The following NDUFA5 variants were observed in gnomAD, a reference collection of about 807,000 sequenced individuals.
The protein encoded by NDUFA5 is NADH:ubiquinone oxidoreductase subunit A5.
In NDUFA5, 11 loss-of-function variants were observed where a neutral mutation model predicts 19.8. That is an observed-to-expected ratio of 0.56 (90% CI 0.35 to 0.92). The LOEUF is 0.92. Among genes scored for constraint, NDUFA5 ranks in the 40% least tolerant of loss-of-function variants. The probability of loss-of-function intolerance (pLI) is 0.01; values close to 1 mark genes in which losing one functional copy is unlikely to be tolerated. For missense variants in NDUFA5, 109 were observed against 134.2 expected (o/e 0.81, Z 0.93); for synonymous variants, 47 against 46.8 (o/e 1.00, Z -0.01).
chr7:123,576,719 TA>T, the NDUFA5 span, among the ~76,000 whole-genome samples: 1 of 152,146 alleles, frequency 6.6e-6, no homozygotes, highest in Non-Finnish European at 1.5e-5. Flanking sequence ...AAACAGCTTT[TA>T]CTACACACTT....
At chr7:123,594,535 G>A in the NDUFA5 span, among the ~76,000 whole-genome samples, 2 of 152,088 alleles carry the variant, frequency 1.3e-5, no homozygotes, top group African/African-American at 4.8e-5. Context: ...TAACAGACAG[G>A]CCCCTCAGCT....
At chr7:123,565,537 T>C in the NDUFA5 span, among the ~76,000 whole-genome samples, 1 of 152,306 alleles carries the variant, frequency 6.6e-6, no homozygotes, top group East Asian at 1.9e-4. Context: ...TAATACAAAT[T>C]GTTTCCCCCA....
the NDUFA5 span, among the ~76,000 whole-genome samples, chr7:123,580,340 G>C: frequency 6.6e-6 from 1 of 151,920 alleles, no homozygotes; most frequent in Non-Finnish European, 1.5e-5. Context: ...TTAAGTTTTT[G>C]GTTTGAGTTG....
the NDUFA5 span, among the ~76,000 whole-genome samples, chr7:123,564,556 T>C: frequency 5.3e-5 from 8 of 152,150 alleles, no homozygotes; most frequent in Admixed American, 1.3e-4. Context: ...AATAGCCATA[T>C]ATATAGGAGA....
At chr7:123,574,864 C>G in the NDUFA5 span, among the ~76,000 whole-genome samples, 1 of 151,914 alleles carries the variant, frequency 6.6e-6, no homozygotes, top group East Asian at 1.9e-4. Flanking sequence ...TTTATTTTTT[C>G]TATTTCAGTC....
At chr7:123,586,924 A>G in the NDUFA5 span, among the ~76,000 whole-genome samples, 1 of 151,404 alleles carries the variant, frequency 6.6e-6, no homozygotes, top group Non-Finnish European at 1.5e-5. Flanking sequence ...TGAAAGTACT[A>G]TATTGTCTTG....
the NDUFA5 span, among the ~76,000 whole-genome samples, chr7:123,570,558 C>T: frequency 7.9e-5 from 12 of 152,168 alleles, no homozygotes; most frequent in Non-Finnish European, 1.5e-4. Flanking sequence ...AAACTGGCTT[C>T]TGACGTCCTC....
chr7:123,555,303 A>C (rs894890600), intron 2 of NDUFA5: 7 of 152,234 alleles, frequency 4.6e-5, no homozygotes, highest in Non-Finnish European at 8.8e-5. Flanking sequence ...CTGAAGGAGA[A>C]ACAAGGCAGA....
At chr7:123,584,844 T>C in the NDUFA5 span, 1 of 151,912 alleles carries the variant, frequency 6.6e-6, no homozygotes, top group African/African-American at 2.4e-5. Context: ...AAGTTTTGAA[T>C]AAATTAAGAC....
chr7:123,545,413 TC>T, intron 4 of NDUFA5, among the ~76,000 whole-genome samples, 197 bp downstream of exon 4: 1 of 152,262 alleles, frequency 6.6e-6, no homozygotes, highest in South Asian at 2.1e-4. Flanking sequence ...AACAGAAGTC[TC>T]ATAAATTCAT....
the NDUFA5 span, among the ~76,000 whole-genome samples, chr7:123,588,558 T>TCTTC: frequency 4.0e-5 from 6 of 151,038 alleles, no homozygotes; most frequent in Admixed American, 6.6e-5. Flanking sequence ...TTTCTTTCCT[T>TCTTC]CTTCCTTCCT....
At chr7:123,600,468 C>T in the NDUFA5 span, among the ~76,000 whole-genome samples, 1 of 152,108 alleles carries the variant, frequency 6.6e-6, no homozygotes, top group Non-Finnish European at 1.5e-5. Context: ...TTGCATTATA[C>T]TCTAAAGCTT....
In NDUFA5 at chr7:123,537,351, A is replaced by C. The variant is rs1038406163; in HGVS notation, c.*4768T>G. On this transcript the variant is annotated 3_prime_UTR_variant, in exon 5 of 5. Transcript: ENST00000355749. Reference sequence around the variant, plus strand: ...AATATTTTTAATATTAAAATAATTTAGAAAACTAAGGACCTGAAAATTTTT... The same window carrying C: ...AATATTTTTAATATTAAAATAATTTCGAAAACTAAGGACCTGAAAATTTTT... The C allele has an allele frequency of 6.6e-6, 1 of 152,186 alleles. No individual in the cohort carries two copies. The highest frequency in any genetic ancestry group is 1.5e-5 in the Non-Finnish European group (1 of 68,022). The allele number at this position is 152,186 out of a possible 1,614,324, so 9.4% of individuals were successfully genotyped here.
intron 2 of NDUFA5, chr7:123,556,633 G>C (rs1366289787): frequency 3.3e-6 from 1 of 300,788 alleles, no homozygotes; most frequent in African/African-American, 2.3e-5. Context: ...CTGCTATTAG[G>C]TCAATGAAGG....
chr7:123,594,655 G>T, the NDUFA5 span, among the ~76,000 whole-genome samples: 15 of 152,158 alleles, frequency 9.9e-5, no homozygotes, highest in Admixed American at 2.0e-4. Context: ...TCCTCTGGAA[G>T]CTTCGTCCCA....
chr7:123,578,839 T>C, the NDUFA5 span, among the ~76,000 whole-genome samples: 283 of 152,290 alleles, frequency 1.9e-3, no homozygotes, highest in Middle Eastern at 0.01. Context: ...TCAATCTATT[T>C]GAAATAACTA....
chr7:123,597,594 G>A, the NDUFA5 span, among the ~76,000 whole-genome samples: 13 of 152,136 alleles, frequency 8.5e-5, no homozygotes, highest in Admixed American at 7.2e-4. Flanking sequence ...CACTTTGGGA[G>A]GCCAAGGTGG....
chr7:123,601,639 A>G, the NDUFA5 span, among the ~76,000 whole-genome samples: 1 of 152,174 alleles, frequency 6.6e-6, no homozygotes, highest in African/African-American at 2.4e-5. Flanking sequence ...CTTTGTTTTC[A>G]TAAGAGTTCT....
chr7:123,573,926 G>A, the NDUFA5 span, among the ~76,000 whole-genome samples: 1 of 151,676 alleles, frequency 6.6e-6, no homozygotes, highest in Non-Finnish European at 1.5e-5. Context: ...GTCAAGGCAG[G>A]GGACAAAAAT....
Sources: allele counts gnomAD v4.1 joint callset (sites outside exome capture counted in the v4.1 genomes callset), GRCh38; gene constraint gnomAD v4.1.1; transcripts MANE v1.5; gene names NCBI Gene and HGNC (gene_info 2026-07-23, HGNC 2026-07-21).